Variants in VPS54 observed in about 807,000 individuals in gnomAD.
VPS54 encodes the protein vacuolar protein sorting-associated protein 54.
A neutral mutation model predicts 121.5 loss-of-function variants in VPS54; 45 were observed. The ratio of observed to expected loss-of-function variants is 0.37; its 90% confidence interval spans 0.29 to 0.47. The LOEUF (loss-of-function observed/expected upper bound fraction) is 0.47, where lower values mean the gene tolerates loss of function less well. Among genes scored for constraint, VPS54 ranks in the 20% least tolerant of loss-of-function variants. VPS54 has a pLI of 0.99. For missense variants in VPS54, 1,090 were observed against 1,131.4 expected, an observed-to-expected ratio of 0.96 and a Z score of 0.52; for synonymous variants, 371 against 385.8, an observed-to-expected ratio of 0.96 and a Z score of 0.45.
intron 16 of VPS54, among the ~76,000 whole-genome samples, chr2:63,915,992 C>T (rs1673364688): frequency 6.6e-6 from 1 of 152,056 alleles, no homozygotes; most frequent in African/African-American, 2.4e-5. Context: ...TTACATTCTT[C>T]CTGGAGGTGG....
chr2:63,974,059 C>T (rs976106608), intron 3 of VPS54, among the ~76,000 whole-genome samples: 1 of 152,154 alleles, frequency 6.6e-6, no homozygotes, highest in African/African-American at 2.4e-5. Flanking sequence ...CCTATGTTAT[C>T]ATCTAGAAGT....
At chr2:63,924,300 T>C (rs776928607) in intron 12 of VPS54, among the ~76,000 whole-genome samples, 2 of 152,220 alleles carry the variant, frequency 1.3e-5, no homozygotes, top group African/African-American at 2.4e-5. Context: ...TAGCTAGACA[T>C]AGTCATGTAA....
At chr2:63,909,849 C>T (rs905146487) in intron 20 of VPS54, among the ~76,000 whole-genome samples, 21 of 151,380 alleles carry the variant, frequency 1.4e-4, no homozygotes, top group Non-Finnish European at 1.6e-4. Context: ...CTCAGCCTCC[C>T]GAGTAGCTGG....
At chr2:63,956,013 T>A (rs1306772578) in intron 7 of VPS54, among the ~76,000 whole-genome samples, 1 of 152,154 alleles carries the variant, frequency 6.6e-6, no homozygotes, top group Non-Finnish European at 1.5e-5. Context: ...ACAATCCCAA[T>A]ACTTTCTACT....
chr2:63,928,326 C>G (rs940280198), intron 12 of VPS54, among the ~76,000 whole-genome samples: 5 of 152,176 alleles, frequency 3.3e-5, no homozygotes, highest in African/African-American at 1.2e-4. Context: ...CTGCAGAAAT[C>G]CTAGAAGCCA....
intron 9 of VPS54, among the ~76,000 whole-genome samples, chr2:63,945,287 G>A (rs549075592): frequency 6.6e-6 from 1 of 152,276 alleles, no homozygotes; most frequent in East Asian, 1.9e-4. Flanking sequence ...AACTAACACA[G>A]AAACTGAAAA....
intron 12 of VPS54, among the ~76,000 whole-genome samples, chr2:63,923,077 G>C (rs1257725254): frequency 6.6e-6 from 1 of 152,142 alleles, no homozygotes; most frequent in Non-Finnish European, 1.5e-5. Flanking sequence ...ACTTTGGAAG[G>C]CCGAGGCGGG....
intron 11 of VPS54, among the ~76,000 whole-genome samples, chr2:63,935,452 T>C (rs924043363): frequency 1.3e-5 from 2 of 152,176 alleles, no homozygotes; most frequent in African/African-American, 4.8e-5. Context: ...TCCTCACTGC[T>C]GTCCAATCTT....
chr2:63,973,488 C>T (rs557296999), intron 3 of VPS54, among the ~76,000 whole-genome samples: 5 of 152,094 alleles, frequency 3.3e-5, no homozygotes, highest in Non-Finnish European at 7.4e-5. Context: ...AAGTCCTTTA[C>T]TCATTTTTTA....
intron 1 of VPS54, among the ~76,000 whole-genome samples, chr2:63,984,519 T>A (rs1330904869): frequency 6.6e-6 from 1 of 152,214 alleles, no homozygotes; most frequent in Non-Finnish European, 1.5e-5. Context: ...ATGGACATAA[T>A]AAGTAAAGCA....
chr2:63,921,293 C>A lies in VPS54; in HGVS notation c.1782G>T (p.Lys594Asn). ...ATAATTCCTGGATATTATTTGCCAG[C>A]TTTCCTAGCTCTGAGTCAGTTAATT... ...DMKLTDSELG[K>N]LANNIQELLY... The change falls in exon 13 of 23, where the codon AAG becomes AAT. Residue 594 changes from lysine to asparagine, a missense_variant. Physicochemically the swap from Lys to Asn is moderately conservative, Grantham distance 94 (BLOSUM62 0). Around this residue, in one of 2 missense-constraint regions of VPS54, gnomAD observed 801 missense variants for 757.0 expected, o/e 1.06. Coordinates refer to ENST00000272322, the MANE Select transcript of VPS54 (RefSeq NM_016516.3). The A allele has an allele frequency of 3.7e-6, 6 of 1,613,120 alleles. No individual in the cohort carries two copies. Among genetic ancestry groups the A allele is most frequent in the Non-Finnish European group, 5.1e-6 (6 of 1,179,476 alleles).
At chr2:63,918,998 G>C (rs529264046) in intron 15 of VPS54, among the ~76,000 whole-genome samples, 1 of 152,134 alleles carries the variant, frequency 6.6e-6, no homozygotes, top group African/African-American at 2.4e-5. Context: ...GTTGCATTTT[G>C]TGCGAATGTG....
intron 21 of VPS54, among the ~76,000 whole-genome samples, chr2:63,898,844 C>T (rs66980330): frequency 4.6e-5 from 7 of 151,524 alleles, no homozygotes; most frequent in South Asian, 2.1e-4. Flanking sequence ...TCCAGGAGAG[C>T]GCAACAGGGC....
chr2:63,974,481 C>A (rs1056337719), intron 3 of VPS54, among the ~76,000 whole-genome samples: 7 of 152,164 alleles, frequency 4.6e-5, no homozygotes, highest in Non-Finnish European at 1.0e-4. Context: ...AAGAAACCAA[C>A]TGCTAGGATT....
At chr2:63,900,919 C>A (rs999019480) in intron 20 of VPS54, among the ~76,000 whole-genome samples, 1 of 152,068 alleles carries the variant, frequency 6.6e-6, no homozygotes, top group Non-Finnish European at 1.5e-5. Context: ...CTTGCCACCC[C>A]GCCCAGGTAA....
chr2:63,947,616 A>G, intron 8 of VPS54, 126 bp from the exon 9 acceptor site: 3 of 862,048 alleles, frequency 3.5e-6, no homozygotes, highest in Non-Finnish European at 4.8e-6. Flanking sequence ...AGTATTTTCT[A>G]GCAGCCTGAA....
At chr2:63,997,194 G>A (rs972380299) in intron 1 of VPS54, among the ~76,000 whole-genome samples, 13 of 152,118 alleles carry the variant, frequency 8.5e-5, no homozygotes, top group South Asian at 4.1e-4. Context: ...TTTGGTTTTG[G>A]TATCAGGGTA....
At chr2:63,923,240 C>T (rs958105550) in intron 12 of VPS54, among the ~76,000 whole-genome samples, 4 of 151,472 alleles carry the variant, frequency 2.6e-5, no homozygotes, top group Non-Finnish European at 2.9e-5. Flanking sequence ...GGTGTGAACC[C>T]GGTAGGCAGA....
At chr2:63,922,462 A>G (rs1673690665) in intron 12 of VPS54, among the ~76,000 whole-genome samples, 2 of 152,240 alleles carry the variant, frequency 1.3e-5, no homozygotes, top group Admixed American at 1.3e-4. Flanking sequence ...AAATCATAAT[A>G]TCACCAAATT....
Sources: gnomAD v4.1 joint callset for allele counts (sites outside exome capture counted in the v4.1 genomes callset) on GRCh38, gnomAD v4.1.1 for gene constraint, gnomAD v4.1.1 regional missense constraint, MANE v1.5 for transcripts, NCBI Gene and HGNC (gene_info 2026-07-23, HGNC 2026-07-21) for gene names.